The following LARS1 variants were observed in gnomAD, a reference collection of about 807,000 sequenced individuals.
LARS1 encodes leucine--tRNA ligase, cytoplasmic.
LARS1 carries 100 observed loss-of-function variants against 162.8 expected under a neutral mutation model. The ratio of observed to expected loss-of-function variants is 0.61; its 90% confidence interval spans 0.52 to 0.73. The LOEUF (loss-of-function observed/expected upper bound fraction) is 0.73, where lower values mean the gene tolerates loss of function less well. LARS1 is among the 30% of genes least tolerant of loss of function. The probability of loss-of-function intolerance (pLI) is 0.00; values close to 1 mark genes in which losing one functional copy is unlikely to be tolerated. For synonymous variants in LARS1, 457 were observed against 462.8 expected, an observed-to-expected ratio of 0.99 and a Z score of 0.16; for missense variants, 1,258 against 1,408.9, an observed-to-expected ratio of 0.89 and a Z score of 1.71.
Position 146,177,608 on chromosome 5 carries a change from G to A in LARS1, c.64C>T (p.Gln22Ter). 6.2e-7 allele frequency: 1 copy of A among 1,604,950 alleles called. No individual in the cohort carries two copies. Among genetic ancestry groups the A allele is most frequent in the Middle Eastern group, 1.7e-4 (1 of 6,028 alleles). The change falls in exon 2 of 32, where the codon CAG becomes TAG. Residue 22 changes from glutamine to a stop codon, truncating the protein, a stop_gained. Coordinates refer to ENST00000394434, the MANE Select transcript of LARS1 (RefSeq NM_020117.11). LOFTEE classifies it high-confidence loss of function. ...AACACTCTCTCAGTATCCCATTTCT[G>A]TTGGATTTCTTTCTCAATCTTCTTC... ...FLKKIEKEIQQKWDTERVFEV... is the reference protein window; with the variant it reads ...FLKKIEKEIQ
At position 146,172,673 on chromosome 5, in the gene LARS1, T is replaced by G. The variant is rs201306835; in HGVS notation, c.213+14A>C. ...ACCTTCCTCCCCATTATAGCAAACATAGGGAAACATTACCTCACATTTGGA... is the reference window on the plus strand; with the variant it reads ...ACCTTCCTCCCCATTATAGCAAACAGAGGGAAACATTACCTCACATTTGGA... On this transcript the variant is annotated intron_variant, in intron 3 of 31. Transcript: ENST00000394434. 1 of 1,490,638 alleles carries G rather than the reference T, an allele frequency of 6.7e-7. No homozygotes were observed. The highest frequency in any genetic ancestry group is 1.3e-5 in the South Asian group (1 of 79,658). 92.3% of individuals were successfully genotyped at this position (1,490,638 alleles called of 1,614,324 possible).
chr5:146,173,238 G>T (rs1225954836), intron 2 of LARS1, among the ~76,000 whole-genome samples: 1 of 151,778 alleles, frequency 6.6e-6, no homozygotes, highest in Non-Finnish European at 1.5e-5. Context: ...TACTCTAGTG[G>T]TTAAGCATGA....
rs533395354 is a variant in LARS1 at position 146,136,007 on chromosome 5, C to T, written c.2149-343G>A. Among the ~76,000 whole-genome samples the T allele has an allele frequency of 7.9e-5, 12 of 152,244 alleles. No individual in the cohort carries two copies. In the South Asian group the frequency reaches 8.3e-4, roughly 11 times the overall value. On this transcript the variant is annotated intron_variant, in intron 21 of 31. Transcript: ENST00000394434. ...CCTGGTTACCTAAGAAAGAGCTTTA[C>T]GGCAATTAGAATCATTCAGAAATGG...
In LARS1 at chr5:146,129,991, C is replaced by T. The variant is rs143025329; in HGVS notation, c.2628+27G>A. 903 of 1,583,802 alleles carry T rather than the reference C, an allele frequency of 5.7e-4. 4 individuals carry two copies. The African/African-American group carries it at 0.011, about 19-fold the overall frequency. The stretch of plus-strand genomic sequence containing the variant: ...TAATGAAGCCAAAATCAAAACCACT[C>T]GAAACATTTTAAATGCATGAAGGTA... On this transcript the variant is annotated intron_variant, in intron 25 of 31. Transcript: ENST00000394434.
chr5:146,116,133 G>A (rs1764196874), intron 31 of LARS1, among the ~76,000 whole-genome samples: 1 of 152,160 alleles, frequency 6.6e-6, no homozygotes, highest in South Asian at 2.1e-4. Flanking sequence ...TCTATTCCCA[G>A]ACACAGTACG....
intron 23 of LARS1, chr5:146,132,307 G>GAA (rs375317395): frequency 2.8e-5 from 4 of 142,604 alleles, no homozygotes; most frequent in African/African-American, 5.1e-5. Context: ...TCTGTCTCAG[G>GAA]AAAAAAAAAA....
chr5:146,132,815 AAGAAAAGAAAAG>A, intron 23 of LARS1, 71 bp downstream of exon 23: 11 of 965,798 alleles, frequency 1.1e-5, no homozygotes, highest in Non-Finnish European at 1.1e-5. Flanking sequence ...AAAAAAAAAA[AAGAAAAGAAAAG>A]AAAAAGAAAA....
At chr5:146,125,002 T>C (rs929994891) in intron 28 of LARS1, among the ~76,000 whole-genome samples, 20 of 150,948 alleles carry the variant, frequency 1.3e-4, no homozygotes, top group Non-Finnish European at 2.7e-4. Context: ...TATCATTTTA[T>C]ACACACACAC....
At chr5:146,142,386 T>C (rs1388217082) in intron 20 of LARS1, among the ~76,000 whole-genome samples, 2 of 152,224 alleles carry the variant, frequency 1.3e-5, no homozygotes, top group Non-Finnish European at 2.9e-5. Flanking sequence ...CTTGGTTTTA[T>C]GAAATAAAAT....
In LARS1 at chr5:146,123,989, G is replaced by A. The variant is rs367974584; in HGVS notation, c.3089C>T (p.Ser1030Leu). ...AATCCCTGGCCCTCTTACCTCAAGC[G>A]AATTAGTCAGATAGACTATATTCTC... The part of the protein sequence containing the change: ...LMENIVYLTN[S>L]LELEHIEVKF... Residue 1030 changes from serine (S) to leucine (L), a missense_variant, in exon 29 of 32, where the codon TCG becomes TTG. Physicochemically the swap from Ser to Leu is moderately radical, Grantham distance 145 (BLOSUM62 -2). Transcript: ENST00000394434. 82 of 1,587,952 alleles carry A rather than the reference G, an allele frequency of 5.2e-5. No individual in the cohort carries two copies. The Middle Eastern group carries it at 2.7e-3, about 52-fold the overall frequency.
At chr5:146,118,904 T>C (rs1400258980) in intron 31 of LARS1, among the ~76,000 whole-genome samples, 2 of 152,202 alleles carry the variant, frequency 1.3e-5, no homozygotes, top group East Asian at 1.9e-4. Flanking sequence ...AATACACCTA[T>C]AAACAACAAC....
Position 146,144,491 on chromosome 5 carries a change from A to C in LARS1, c.1636T>G (p.Cys546Gly). 6.2e-7 allele frequency: 1 copy of C among 1,613,776 alleles called. No individual in the cohort carries two copies. The highest frequency in any genetic ancestry group is 8.5e-7 in the Non-Finnish European group (1 of 1,179,940). ...TCTTACGTTTCCAGGTTCTTCAAGC[A>C]CTGAGATGTCTGTTTCTTCCAATTC... The part of the protein sequence containing the change: ...EENWKKQTSQ[C>G]LKNLETFCEE... Residue 546 changes from cysteine to glycine, a missense_variant, in exon 17 of 32, where the codon TGC (cysteine) becomes GGC (glycine). By Grantham distance (159) the Cys-to-Gly change is radical. Coordinates refer to ENST00000394434, the MANE Select transcript of LARS1 (RefSeq NM_020117.11).
At chr5:146,167,496 A>T (rs1383493165) in intron 5 of LARS1, among the ~76,000 whole-genome samples, 1 of 151,114 alleles carries the variant, frequency 6.6e-6, no homozygotes, top group Admixed American at 6.6e-5. Context: ...CTCCACCTCC[A>T]GGGTTCACGC....
intron 4 of LARS1, among the ~76,000 whole-genome samples, chr5:146,170,964 T>G (rs1018775385): frequency 6.6e-6 from 1 of 151,938 alleles, no homozygotes; most frequent in African/African-American, 2.4e-5. Context: ...AAAACAAATA[T>G]GGCAAACGTT....
chr5:146,160,582 TAGAATC>T, intron 6 of LARS1, 96 bp from the exon 7 acceptor site: 1 of 548,024 alleles, frequency 1.8e-6, no homozygotes, highest in Non-Finnish European at 3.2e-6. Flanking sequence ...TCTTCTAACT[TAGAATC>T]AGATCAACTA....
intron 1 of LARS1, among the ~76,000 whole-genome samples, chr5:146,178,658 T>G (rs1468880128): frequency 6.6e-6 from 1 of 151,958 alleles, no homozygotes; most frequent in Non-Finnish European, 1.5e-5. Context: ...CAAGTTTCCA[T>G]AAAACAGTGA....
intron 31 of LARS1, among the ~76,000 whole-genome samples, chr5:146,118,874 A>G (rs1410636653): frequency 2.6e-5 from 4 of 152,348 alleles, no homozygotes; most frequent in African/African-American, 7.2e-5. Flanking sequence ...TATGTTAGGT[A>G]TATTTTACCA....
chr5:146,114,396 C>T (rs1045296036), intron 31 of LARS1, 85 bp from the exon 32 acceptor site: 18 of 1,058,240 alleles, frequency 1.7e-5, no homozygotes, highest in African/African-American at 1.3e-4. Flanking sequence ...GTTTTAAATA[C>T]GCTGGTTGTT....
Position 146,178,934 on chromosome 5 carries a change from G to T in LARS1, c.7-1269C>A, listed in dbSNP as rs577367157. ...ACATAGAAAGACCTCCTCTTTAAAA[G>T]AAAAACAATTTTTTTGGCCAGGTTT... On this transcript the variant is annotated intron_variant, in intron 1 of 31. Transcript: ENST00000394434. Among the ~76,000 whole-genome samples, 180 of 151,792 alleles carry T rather than the reference G, an allele frequency of 1.2e-3. 1 individual carries two copies. The highest frequency in any genetic ancestry group is 4.1e-3 in the African/African-American group (169 of 41,412).
Sources: gnomAD v4.1 joint callset for allele counts (sites outside exome capture counted in the v4.1 genomes callset) on GRCh38, gnomAD v4.1.1 for gene constraint, MANE v1.5 for transcripts, NCBI Gene and HGNC (gene_info 2026-07-23, HGNC 2026-07-21) for gene names.